NAV3: variants seen among roughly 807,000 people sequenced by gnomAD.
NAV3 encodes pore membrane and/or filament interacting like protein 1.
A neutral mutation model predicts 244.7 loss-of-function variants in NAV3; 87 were observed. That is an observed-to-expected ratio of 0.36 (90% CI 0.30 to 0.42). The LOEUF (loss-of-function observed/expected upper bound fraction) is 0.42, where lower values mean the gene tolerates loss of function less well. NAV3 is among the 20% of genes least tolerant of loss of function. NAV3 has a pLI of 1.00. For missense variants in NAV3, 2,663 were observed against 2,893.3 expected, an observed-to-expected ratio of 0.92 and a Z score of 1.83; for synonymous variants, 1,126 against 1,042.2, an observed-to-expected ratio of 1.08 and a Z score of -1.55.
chr12:77,681,415 G>A (rs1245623859), intron 2 of NAV3, among the ~76,000 whole-genome samples: 2 of 152,058 alleles, frequency 1.3e-5, no homozygotes, highest in Non-Finnish European at 2.9e-5. Context: ...GTGAGTTCAT[G>A]GTAAAAGAGC....
chr12:77,850,982 G>A (rs1383354836), intron 1 of NAV3, among the ~76,000 whole-genome samples: 1 of 152,124 alleles, frequency 6.6e-6, no homozygotes, highest in Non-Finnish European at 1.5e-5. Context: ...TTCCTGCATA[G>A]CACCACTGGG....
At chr12:77,803,583 A>G (rs1871824531) in intron 2 of NAV3, among the ~76,000 whole-genome samples, 1 of 152,162 alleles carries the variant, frequency 6.6e-6, no homozygotes, top group Admixed American at 6.6e-5. Flanking sequence ...TGCTGTAATA[A>G]ACATATGTGT....
At chr12:77,757,986 CT>C (rs1380908735) in intron 2 of NAV3, among the ~76,000 whole-genome samples, 2 of 152,172 alleles carry the variant, frequency 1.3e-5, no homozygotes, top group African/African-American at 4.8e-5. Flanking sequence ...CCCCGTGACT[CT>C]TTTCCTTGCT....
chr12:77,888,786 C>T (rs1592905429), intron 1 of NAV3, among the ~76,000 whole-genome samples: 2 of 152,068 alleles, frequency 1.3e-5, no homozygotes, highest in Admixed American at 1.3e-4. Flanking sequence ...TGTTCTAAGT[C>T]TTCAAATGTT....
At position 77,918,838 on chromosome 12, in the gene NAV3, T is replaced by C. The variant is rs138916655; in HGVS notation, c.244-21481T>C. On this transcript the variant is annotated intron_variant, in intron 1 of 39. Coordinates refer to ENST00000397909, the MANE Select transcript of NAV3 (RefSeq NM_001024383.2). Reference sequence around the variant, plus strand: ...GATTTTCCAGGGTCTGCTTGTATCATGTTTGCTAAGGTTACATTGGGCAAA... The same window carrying C: ...GATTTTCCAGGGTCTGCTTGTATCACGTTTGCTAAGGTTACATTGGGCAAA... 1.6e-3 allele frequency among the ~76,000 whole-genome samples: 246 copies of C among 152,152 alleles called. 3 individuals are homozygous for C. Among genetic ancestry groups the C allele is most frequent in the African/African-American group, 5.9e-3 (243 of 41,536 alleles).
chr12:77,865,720 T>C (rs1879904310), intron 1 of NAV3, among the ~76,000 whole-genome samples: 1 of 152,004 alleles, frequency 6.6e-6, no homozygotes, highest in Non-Finnish European at 1.5e-5. Flanking sequence ...AAACAATTCG[T>C]TGCTTCTCTC....
At chr12:77,764,196 G>A (rs1324293475) in intron 2 of NAV3, among the ~76,000 whole-genome samples, 1 of 152,194 alleles carries the variant, frequency 6.6e-6, no homozygotes, top group African/African-American at 2.4e-5. Flanking sequence ...TCTGTGCACA[G>A]GCAGTGTCTT....
rs144440105 is a variant in NAV3 at position 77,961,191 on chromosome 12, T to C, written c.415-5038T>C. 9.1e-3 allele frequency among the ~76,000 whole-genome samples: 1,272 copies of C among 139,590 alleles called. 20 individuals are homozygous for C. The highest frequency in any genetic ancestry group is 0.031 in the African/African-American group (1,214 of 38,606). 91.6% of individuals were successfully genotyped at this position (139,590 alleles called of 152,430 possible). On this transcript the variant is annotated intron_variant, in intron 3 of 39. Coordinates refer to ENST00000397909, the MANE Select transcript of NAV3 (RefSeq NM_001024383.2). ...ACATGCATAAGACATATTTGCAATA[T>C]ATAATATATATTTTAATAACAGGTA...
Position 77,940,382 on chromosome 12 carries a change from T to C in NAV3, c.307T>C (p.Leu103=). The C allele has an allele frequency of 6.2e-7, 1 of 1,613,926 alleles. No individual in the cohort carries two copies. Residue 103 remains leucine (L), a synonymous_variant, in exon 2 of 40, where the codon TTG becomes CTG. Coordinates refer to ENST00000397909, the MANE Select transcript of NAV3 (RefSeq NM_001024383.2). ...KSGHKRLIKD[L]QQDIADGVLL... is the part of the protein sequence containing the mutation. ...AGGCCACAAGCGGCTGATCAAGGAC[T>C]TGCAACAAGACATTGCAGATGGAGT...
chr12:77,698,004 A>G (rs886579918), intron 2 of NAV3, among the ~76,000 whole-genome samples: 2 of 152,184 alleles, frequency 1.3e-5, no homozygotes, highest in African/African-American at 4.8e-5. Context: ...TGTTAGGTAA[A>G]GAATTGAGAA....
chr12:77,924,913 A>G (rs1888043557), intron 1 of NAV3, among the ~76,000 whole-genome samples: 1 of 151,854 alleles, frequency 6.6e-6, no homozygotes, highest in Non-Finnish European at 1.5e-5. Context: ...CCTCACAATA[A>G]TCCTACGAGA....
Position 78,050,854 on chromosome 12 carries a change from C to T in NAV3, c.2223C>T (p.Thr741=), listed in dbSNP as rs2137248605. Reference sequence around the variant, plus strand: ...TGACAAGTCGACCCACCCCCATGACCTGGAGGTTGGGCCAGGCATGTCCGC... The same window carrying T: ...TGACAAGTCGACCCACCCCCATGACTTGGAGGTTGGGCCAGGCATGTCCGC... ...PNLTSRPTPM[T]WRLGQACPRL... is the part of the protein sequence containing the mutation. Residue 741 remains threonine, a synonymous_variant, in exon 11 of 40, where the codon ACC becomes ACT. Coordinates refer to ENST00000397909, the MANE Select transcript of NAV3 (RefSeq NM_001024383.2). 1 of 1,614,100 alleles carries T rather than the reference C, an allele frequency of 6.2e-7. No homozygotes were observed. Among genetic ancestry groups the T allele is most frequent in the South Asian group, 1.1e-5 (1 of 91,074 alleles).
Position 77,686,424 on chromosome 12 carries a change from C to CTT in NAV3, c.72+114180_72+114181dup, listed in dbSNP as rs10573795. 6.5e-4 allele frequency among the ~76,000 whole-genome samples: 74 copies of CTT among 113,848 alleles called. 2 individuals are homozygous for CTT. Among genetic ancestry groups the CTT allele is most frequent in the African/African-American group, 2.4e-3 (71 of 29,612 alleles). The allele number at this position is 113,848 out of a possible 152,430, so 74.7% of individuals were successfully genotyped here. ...TTTCTTTTCTTTTCTTTCTTTCTTT[C>CTT]TTTTTTTTTTTTTTTTTTTTTTTAA... is the stretch of plus-strand genomic sequence containing the variant. On this transcript the variant is annotated intron_variant, in intron 2 of 8. Coordinates refer to the NAV3 transcript ENST00000550042.
At chr12:78,170,344 G>A (rs7488308) in intron 24 of NAV3, among the ~76,000 whole-genome samples, 29,538 of 151,450 alleles carry the variant, frequency 0.2, 3,165 homozygotes, top group Middle Eastern at 0.32. Context: ...ACCAAGATCC[G>A]TTGATCCCAT....
chr12:77,919,058 C>A (rs1205109757), intron 1 of NAV3, among the ~76,000 whole-genome samples: 1 of 151,764 alleles, frequency 6.6e-6, no homozygotes, highest in Non-Finnish European at 1.5e-5. Context: ...TTTGAAGGGA[C>A]CATATGAGAA....
rs748899270 is a variant in NAV3, at chr12:77,831,654, G to A, written c.193G>A (p.Gly65Arg). ...QLALKSTCEF[G>R]EKKPLQGKAK... ...TGCGTTAAAATCAACCTGTGAATTT[G>A]GAGAGAAGAAACCCCTCCAAGGAAA... Residue 65 changes from glycine to arginine, a missense_variant, in exon 1 of 40, where the codon GGA becomes AGA. Around this residue, in one of 6 missense-constraint regions of NAV3, gnomAD observed 1,521 missense variants for 1,497.0 expected, o/e 1.02. Coordinates refer to ENST00000397909, the MANE Select transcript of NAV3 (RefSeq NM_001024383.2). The A allele has an allele frequency of 6.2e-7, 1 of 1,613,668 alleles. No individual in the cohort carries two copies. The highest frequency in any genetic ancestry group is 8.5e-7 in the Non-Finnish European group (1 of 1,179,894).
chr12:78,137,909 T>C (rs1245131825), intron 19 of NAV3, among the ~76,000 whole-genome samples: 2 of 152,180 alleles, frequency 1.3e-5, no homozygotes, highest in African/African-American at 4.8e-5. Context: ...TATAGTTATA[T>C]AGTTCTATGT....
At chr12:78,120,796 T>C (rs983215770) in intron 15 of NAV3, among the ~76,000 whole-genome samples, 1 of 152,238 alleles carries the variant, frequency 6.6e-6, no homozygotes, top group Non-Finnish European at 1.5e-5. Flanking sequence ...TCATTATGGG[T>C]TCAATATTTT....
intron 2 of NAV3, among the ~76,000 whole-genome samples, chr12:77,597,157 A>G (rs941483840): frequency 6.6e-6 from 1 of 152,254 alleles, no homozygotes; most frequent in East Asian, 1.9e-4. Context: ...TGAAGACCTC[A>G]TTTGAGGTGG....
Sources: allele counts gnomAD v4.1 joint callset (sites outside exome capture counted in the v4.1 genomes callset), GRCh38; gene constraint gnomAD v4.1.1; regional missense constraint gnomAD v4.1.1; transcripts MANE v1.5; gene names NCBI Gene and HGNC (gene_info 2026-07-23, HGNC 2026-07-21).